Variants in KMT5B observed in about 807,000 individuals in gnomAD.
The protein encoded by KMT5B is lysine methyltransferase 5B.
KMT5B carries 10 observed loss-of-function variants against 83.2 expected under a neutral mutation model. The ratio of observed to expected loss-of-function variants is 0.12; its 90% CI spans 0.07 to 0.20. KMT5B has a LOEUF of 0.20. KMT5B is among the 10% of genes least tolerant of loss of function. The pLI is 1.00. For synonymous variants in KMT5B, 349 were observed against 388.8 expected, an observed-to-expected ratio of 0.90 and a Z score of 1.20; for missense variants, 753 against 1,067.2, an observed-to-expected ratio of 0.71 and a Z score of 4.10.
In KMT5B at chr11:68,159,013, C is replaced by T; in HGVS notation, c.1333G>A (p.Ala445Thr). The T allele has an allele frequency of 1.2e-6, 2 of 1,612,696 alleles. No homozygotes were observed. The highest frequency in any genetic ancestry group is 1.1e-5 in the South Asian group (1 of 90,630). Residue 445 changes from alanine to threonine, a missense_variant, in exon 11 of 11, where the codon GCA (alanine) becomes ACA (threonine). Ala to Thr is a moderately conservative substitution (Grantham distance 58, BLOSUM62 0). Coordinates refer to ENST00000304363, the MANE Select transcript of KMT5B (RefSeq NM_017635.5). ...TTTATCTTTGAAAGTAAAGGCTTTG[C>T]AGGCTTCTTCAGTTTCTTTGGTACC... Reference protein sequence around the residue: ...SRVPKKLKKPAKPLLSKIKLR... With the variant: ...SRVPKKLKKPTKPLLSKIKLR...
intron 1 of KMT5B, among the ~76,000 whole-genome samples, chr11:68,196,736 C>T (rs1232229951): frequency 6.6e-6 from 1 of 151,748 alleles, no homozygotes; most frequent in African/African-American, 2.4e-5. Context: ...CTGGTTTACT[C>T]CCTAGTCCTT....
chr11:68,209,855 T>C lies in KMT5B; in HGVS notation c.-77+3283A>G, dbSNP rs551586113. Among the ~76,000 whole-genome samples the C allele has an allele frequency of 1.1e-4, 16 of 150,654 alleles. No individual in the cohort carries two copies. The East Asian group carries it at 3.0e-3, about 28-fold the overall frequency. Reference sequence around the variant, plus strand: ...AAATGATCCCCGGATCTAGGTACTGTTTTCTTTCCCCCTTTTTTTTTTTTT... The same window carrying C: ...AAATGATCCCCGGATCTAGGTACTGCTTTCTTTCCCCCTTTTTTTTTTTTT... On this transcript the variant is annotated intron_variant, in intron 1 of 10. Coordinates refer to ENST00000304363, the MANE Select transcript of KMT5B (RefSeq NM_017635.5).
intron 1 of KMT5B, among the ~76,000 whole-genome samples, chr11:68,208,002 C>G (rs1442118773): frequency 1.3e-5 from 2 of 150,226 alleles, no homozygotes; most frequent in Non-Finnish European, 3.0e-5. Context: ...CCACGCCCAG[C>G]TAATTTTTGT....
Position 68,158,090 on chromosome 11 carries a change from G to C in KMT5B, c.2256C>G (p.Asp752Glu). The change falls in exon 11 of 11, where the codon GAC (aspartate) becomes GAG (glutamate). Residue 752 changes from aspartate to glutamate, a missense_variant. Physicochemically the swap from Asp to Glu is conservative, Grantham distance 45. Coordinates refer to ENST00000304363, the MANE Select transcript of KMT5B (RefSeq NM_017635.5). ...KISIKLSKDH[D>E]NDNNLYVAKL... is the part of the protein sequence containing the mutation. Reference sequence around the variant, plus strand: ...TTGCTACATAGAGATTGTTATCGTTGTCATGGTCTTTGCTTAACTTGATGC... The same window carrying C: ...TTGCTACATAGAGATTGTTATCGTTCTCATGGTCTTTGCTTAACTTGATGC... 2 of 1,614,178 alleles carry C rather than the reference G, an allele frequency of 1.2e-6. No individual in the cohort carries two copies. The highest frequency in any genetic ancestry group is 2.2e-5 in the South Asian group (2 of 91,088).
chr11:68,167,376 A>C (rs1025984917), intron 9 of KMT5B, among the ~76,000 whole-genome samples, 198 bp from the exon 10 acceptor site: 1 of 152,160 alleles, frequency 6.6e-6, no homozygotes, highest in African/African-American at 2.4e-5. Flanking sequence ...TCTATATTTA[A>C]AATAATAAAA....
intron 1 of KMT5B, among the ~76,000 whole-genome samples, chr11:68,194,733 T>C (rs1049745332): frequency 6.6e-6 from 1 of 152,246 alleles, no homozygotes; most frequent in African/African-American, 2.4e-5. Context: ...ATATTACTTA[T>C]GTTCCTTTAA....
chr11:68,163,357 G>A (rs1176695512), intron 10 of KMT5B, among the ~76,000 whole-genome samples: 1 of 152,244 alleles, frequency 6.6e-6, no homozygotes, highest in East Asian at 1.9e-4. Flanking sequence ...GTGAATGGCA[G>A]AGATGGGACT....
chr11:68,209,517 T>C (rs1487623451), intron 1 of KMT5B, among the ~76,000 whole-genome samples: 1 of 152,162 alleles, frequency 6.6e-6, no homozygotes, highest in Non-Finnish European at 1.5e-5. Context: ...CGAGTGCCAT[T>C]AGAGATGTGC....
chr11:68,165,180 G>A (rs71459690), intron 10 of KMT5B, among the ~76,000 whole-genome samples: 15,193 of 152,172 alleles, frequency 0.1, 838 homozygotes, highest in East Asian at 0.23. Context: ...ACAGATGGCA[G>A]CACGAACCTA....
At chr11:68,194,311 C>A (rs1386463834) in intron 1 of KMT5B, among the ~76,000 whole-genome samples, 1 of 151,666 alleles carries the variant, frequency 6.6e-6, no homozygotes, top group Non-Finnish European at 1.5e-5. Flanking sequence ...CATGCCTCAG[C>A]CTCCTAAGTA....
intron 4 of KMT5B, among the ~76,000 whole-genome samples, chr11:68,178,403 G>A (rs1301973019): frequency 1.3e-5 from 2 of 152,120 alleles, no homozygotes; most frequent in African/African-American, 4.8e-5. Flanking sequence ...TCTTGATTTA[G>A]TAGTATTCTG....
chr11:68,168,905 G>A (rs2153049407), intron 9 of KMT5B, among the ~76,000 whole-genome samples: 1 of 152,244 alleles, frequency 6.6e-6, no homozygotes, highest in South Asian at 2.1e-4. Context: ...TATCCTGCAT[G>A]CACTTGGCCT....
In KMT5B at chr11:68,158,982, C is replaced by G; in HGVS notation, c.1364G>C (p.Arg455Thr). Residue 455 changes from arginine (R) to threonine (T), a missense_variant, in exon 11 of 11, where the codon AGA becomes ACA. Around this residue, in one of 9 missense-constraint regions of KMT5B, gnomAD observed 397 missense variants for 395.9 expected, o/e 1.00. Coordinates refer to ENST00000304363, the MANE Select transcript of KMT5B (RefSeq NM_017635.5). Reference protein sequence around the residue: ...AKPLLSKIKLRNHCKRLEQKN... With the variant: ...AKPLLSKIKLTNHCKRLEQKN... Reference sequence around the variant, plus strand: ...TTGCTCCAGCCGCTTGCAATGATTTCTCAATTTTATCTTTGAAAGTAAAGG... The same window carrying G: ...TTGCTCCAGCCGCTTGCAATGATTTGTCAATTTTATCTTTGAAAGTAAAGG... 6.2e-7 allele frequency: 1 copy of G among 1,611,878 alleles called. No individual in the cohort carries two copies. Among genetic ancestry groups the G allele is most frequent in the Non-Finnish European group, 8.5e-7 (1 of 1,179,574 alleles).
intron 1 of KMT5B, among the ~76,000 whole-genome samples, chr11:68,193,826 G>C (rs1160134312): frequency 1.3e-5 from 2 of 150,586 alleles, no homozygotes; most frequent in Non-Finnish European, 3.0e-5. Context: ...TAAGAGACAG[G>C]GTCTTGCTCT....
chr11:68,176,844 T>C (rs376573005), intron 4 of KMT5B: 1 of 152,096 alleles, frequency 6.6e-6, no homozygotes, highest in Non-Finnish European at 1.5e-5. Context: ...TCAAATAAAA[T>C]ACATTAAGAA....
At chr11:68,209,590 C>T (rs1383570443) in intron 1 of KMT5B, among the ~76,000 whole-genome samples, 4 of 152,174 alleles carry the variant, frequency 2.6e-5, no homozygotes, top group Non-Finnish European at 5.9e-5. Flanking sequence ...CACACACATT[C>T]GGTTTCTACT....
intron 3 of KMT5B, among the ~76,000 whole-genome samples, chr11:68,183,659 C>T (rs1407765941): frequency 6.9e-6 from 1 of 144,002 alleles, no homozygotes; most frequent in Non-Finnish European, 1.5e-5. Flanking sequence ...ATGCCCAGTC[C>T]TGTATCTTTT....
chr11:68,189,531 C>A (rs759272691), intron 2 of KMT5B: 3 of 156,190 alleles, frequency 1.9e-5, no homozygotes, highest in Non-Finnish European at 4.2e-5. Context: ...TCATATTATT[C>A]CATGAAACAT....
intron 1 of KMT5B, among the ~76,000 whole-genome samples, chr11:68,201,330 T>C (rs566679385): frequency 2.0e-5 from 3 of 152,298 alleles, no homozygotes; most frequent in African/African-American, 7.2e-5. Flanking sequence ...CTTAATACTT[T>C]AACACATTTC....
Sources: gnomAD v4.1 joint callset for allele counts (sites outside exome capture counted in the v4.1 genomes callset) on GRCh38, gnomAD v4.1.1 for gene constraint, gnomAD v4.1.1 regional missense constraint, MANE v1.5 for transcripts, NCBI Gene and HGNC (gene_info 2026-07-23, HGNC 2026-07-21) for gene names.